ZPBP: variants seen among roughly 807,000 people sequenced by gnomAD.
ZPBP encodes zona pellucida binding protein, also known as zona pellucida-binding protein 1.
Under a neutral mutation model 44.8 loss-of-function variants are expected in ZPBP, and 26 were observed. That is an observed-to-expected ratio of 0.58 (90% CI 0.43 to 0.81). The LOEUF (loss-of-function observed/expected upper bound fraction) is 0.81. Among genes scored for constraint, ZPBP ranks in the 30% least tolerant of loss-of-function variants. ZPBP has a pLI of 0.00. For missense variants in ZPBP, 409 were observed against 434.0 expected, an observed-to-expected ratio of 0.94 and a Z score of 0.51; for synonymous variants, 174 against 153.2, an observed-to-expected ratio of 1.14 and a Z score of -1.00.
intron 6 of ZPBP, among the ~76,000 whole-genome samples, chr7:50,007,020 G>A (rs1798342114): frequency 6.6e-6 from 1 of 151,778 alleles, no homozygotes; most frequent in Admixed American, 6.6e-5. Context: ...CCTCATGAAT[G>A]GGATTAGTGC....
At chr7:49,877,481 A>AAAAAATAT in intron 2 of ZPBP, among the ~76,000 whole-genome samples, 1 of 12,722 alleles carries the variant, frequency 7.9e-5, no homozygotes, top group African/African-American at 2.8e-4. Context: ...AAAAAAAAAA[A>AAAAAATAT]ATATATATAT....
chr7:50,035,143 C>CTA (rs1562861108), intron 4 of ZPBP, among the ~76,000 whole-genome samples: 1 of 152,210 alleles, frequency 6.6e-6, no homozygotes, highest in African/African-American at 2.4e-5. Flanking sequence ...CTGCTCTCTC[C>CTA]TATGTTTTGT....
chr7:49,885,523 A>C (rs1235674696), intron 2 of ZPBP, among the ~76,000 whole-genome samples: 2 of 151,606 alleles, frequency 1.3e-5, no homozygotes, highest in African/African-American at 4.8e-5. Context: ...TATAATTAGG[A>C]TTTTTTCTAA....
intron 7 of ZPBP, among the ~76,000 whole-genome samples, chr7:49,976,008 G>C (rs1435062154): frequency 6.6e-6 from 1 of 151,726 alleles, no homozygotes; most frequent in African/African-American, 2.4e-5. Context: ...CTATCTTTTA[G>C]TGGCTGTCCT....
In ZPBP at chr7:50,023,928, C is replaced by T. The variant is rs1799207297; in HGVS notation, c.707-5612G>A. On this transcript the variant is annotated intron_variant, in intron 5 of 7. Coordinates refer to ENST00000046087, the MANE Select transcript of ZPBP (RefSeq NM_007009.3). Reference sequence around the variant, plus strand: ...TTAAATAGATTGAAGCTTGAAAATACATCAGTAGAAATTTCTCAAAAGAAG... The same window carrying T: ...TTAAATAGATTGAAGCTTGAAAATATATCAGTAGAAATTTCTCAAAAGAAG... Among the ~76,000 whole-genome samples the T allele has an allele frequency of 3.3e-5, 5 of 151,602 alleles. No homozygotes were observed. In the South Asian group the frequency reaches 6.2e-4, roughly 19 times the overall value.
intron 7 of ZPBP, chr7:49,944,187 G>A: frequency 3.0e-6 from 1 of 337,474 alleles, no homozygotes; most frequent in Non-Finnish European, 5.7e-6. Context: ...TTAATCACAT[G>A]TGCATTTTCA....
At position 49,969,807 on chromosome 7, in the gene ZPBP, A is replaced by G. The variant is rs1221717782; in HGVS notation, c.961+13535T>C. On this transcript the variant is annotated intron_variant, in intron 7 of 7. Coordinates refer to ENST00000046087, the MANE Select transcript of ZPBP (RefSeq NM_007009.3). Reference sequence around the variant, plus strand: ...AAAAAGTTTATGTTAATAAATGTATATATATATATATAGAGAGAGAGAGAG... The same window carrying G: ...AAAAAGTTTATGTTAATAAATGTATGTATATATATATAGAGAGAGAGAGAG... 1.7e-4 allele frequency among the ~76,000 whole-genome samples: 18 copies of G among 107,656 alleles called. 1 individual carries two copies. The highest frequency in any genetic ancestry group is 3.3e-4 in the Admixed American group (3 of 9,006). 70.6% of individuals were successfully genotyped at this position (107,656 alleles called of 152,430 possible). A position where few individuals can be genotyped will look rare whatever the true frequency, so the allele number is the denominator to read the frequency against.
At chr7:50,012,781 T>C (rs1297935217) in intron 6 of ZPBP, among the ~76,000 whole-genome samples, 1 of 150,128 alleles carries the variant, frequency 6.7e-6, no homozygotes, top group Middle Eastern at 3.4e-3. Context: ...GTACTGTAGA[T>C]TACAGGTATT....
intron 2 of ZPBP, among the ~76,000 whole-genome samples, chr7:49,878,120 A>G (rs937933669): frequency 4.6e-5 from 7 of 152,014 alleles, no homozygotes; most frequent in African/African-American, 1.4e-4. Flanking sequence ...GTTAATGTTA[A>G]TTGGTGCTTC....
chr7:49,969,834 G>GAGAGAGAGAAAGAGAA (rs1796221964), intron 7 of ZPBP, among the ~76,000 whole-genome samples: 1 of 85,342 alleles, frequency 1.2e-5, no homozygotes. Flanking sequence ...GAGAGAGAGA[G>GAGAGAGAGAAAGAGAA]AGAGAGAGAG....
chr7:49,884,757 A>G (rs141118358), intron 2 of ZPBP, among the ~76,000 whole-genome samples: 188 of 152,244 alleles, frequency 1.2e-3, no homozygotes, highest in African/African-American at 4.2e-3. Flanking sequence ...AAATATTTTC[A>G]CTCATAAACG....
chr7:49,955,469 A>G (rs1283362722), intron 7 of ZPBP, among the ~76,000 whole-genome samples: 3 of 152,170 alleles, frequency 2.0e-5, no homozygotes, highest in Non-Finnish European at 4.4e-5. Flanking sequence ...AGGCAGGAGA[A>G]TCACCTGAAC....
chr7:50,021,911 A>G (rs1799115743), intron 5 of ZPBP, among the ~76,000 whole-genome samples: 1 of 152,176 alleles, frequency 6.6e-6, no homozygotes, highest in Non-Finnish European at 1.5e-5. Flanking sequence ...ATTTTTTAAA[A>G]AATCAAAGAC....
At chr7:49,895,358 C>T (rs149194192) in intron 2 of ZPBP, among the ~76,000 whole-genome samples, 2,068 of 152,220 alleles carry the variant, frequency 0.014, 37 homozygotes, top group African/African-American at 0.046. Flanking sequence ...TTTCAATGTA[C>T]GAATTCCAGG....
chr7:49,907,844 G>A (rs533427378), intron 1 of ZPBP, among the ~76,000 whole-genome samples: 1 of 152,150 alleles, frequency 6.6e-6, no homozygotes, highest in Non-Finnish European at 1.5e-5. Flanking sequence ...AGGAATGTCT[G>A]GGTTAAGATA....
chr7:49,962,817 A>G (rs1795910061), intron 7 of ZPBP, among the ~76,000 whole-genome samples: 1 of 151,844 alleles, frequency 6.6e-6, no homozygotes, highest in Non-Finnish European at 1.5e-5. Flanking sequence ...AAGAAAACAG[A>G]AAAAGGTCTT....
At chr7:49,903,830 G>A (rs1225519481) in intron 1 of ZPBP, among the ~76,000 whole-genome samples, 1 of 152,290 alleles carries the variant, frequency 6.6e-6, no homozygotes, top group Admixed American at 6.5e-5. Flanking sequence ...GAAAGAGAAA[G>A]AACAGCTCTC....
At chr7:50,014,625 C>T (rs1000200576) in intron 6 of ZPBP, among the ~76,000 whole-genome samples, 10 of 151,444 alleles carry the variant, frequency 6.6e-5, no homozygotes, top group South Asian at 2.1e-4. Context: ...CCACCACGCC[C>T]GGCTATTTTT....
chr7:49,943,290 A>G (rs139427536), intron 7 of ZPBP: 1 of 277,200 alleles, frequency 3.6e-6, no homozygotes, highest in African/African-American at 2.3e-5. Context: ...AATTTTTCCT[A>G]CTTAACTCCT....
Sources: gnomAD v4.1 joint callset for allele counts (sites outside exome capture counted in the v4.1 genomes callset) on GRCh38, gnomAD v4.1.1 for gene constraint, MANE v1.5 for transcripts, NCBI Gene and HGNC (gene_info 2026-07-23, HGNC 2026-07-21) for gene names.